Variants in CASR observed in about 807,000 individuals in gnomAD.
CASR encodes extracellular calcium-sensing receptor.
CASR carries 23 observed loss-of-function variants against 69.1 expected under a neutral mutation model. That is an observed-to-expected ratio of 0.33 (90% CI 0.24 to 0.47). The LOEUF (loss-of-function observed/expected upper bound fraction) is 0.47, where lower values mean the gene tolerates loss of function less well. Among genes scored for constraint, CASR ranks in the 20% least tolerant of loss-of-function variants. CASR has a pLI of 1.00. For synonymous variants in CASR, 541 were observed against 544.7 expected, an observed-to-expected ratio of 0.99 and a Z score of 0.10; for missense variants, 924 against 1,356.1, an observed-to-expected ratio of 0.68 and a Z score of 5.00.
At chr3:122,210,621 C>G (rs555635409) in intron 1 of CASR, among the ~76,000 whole-genome samples, 50 of 152,286 alleles carry the variant, frequency 3.3e-4, no homozygotes, top group African/African-American at 1.2e-3. Context: ...ATTCCATGCT[C>G]ATGAATAGGA....
rs1399899999 is a variant in CASR at position 122,204,015 on chromosome 3, A to G, written c.-243+20203A>G. ...AGTTTGTGGATACCTGTGATAATTT[A>G]ATACATTCATGTATCTTGTACAGAT... is the stretch of plus-strand genomic sequence containing the variant. On this transcript the variant is annotated intron_variant, in intron 1 of 6. Transcript: ENST00000639785. Among the ~76,000 whole-genome samples the G allele has an allele frequency of 1.1e-4, 16 of 152,208 alleles. No homozygotes were observed. The East Asian group carries it at 3.1e-3, about 29-fold the overall frequency.
intron 1 of CASR, among the ~76,000 whole-genome samples, chr3:122,242,290 T>C (rs1910050): frequency 1.3e-5 from 2 of 151,860 alleles, no homozygotes; most frequent in Non-Finnish European, 2.9e-5. Flanking sequence ...ACCTATAGAC[T>C]CCACCAAAAA....
At chr3:122,203,406 C>A (rs7652244) in intron 1 of CASR, among the ~76,000 whole-genome samples, 26,525 of 152,160 alleles carry the variant, frequency 0.17, 2,399 homozygotes, top group African/African-American at 0.21. Context: ...AGCCTACTTA[C>A]ACCTAGCTAT....
In CASR at chr3:122,262,169, A is replaced by T. The variant is rs2074634693; in HGVS notation, c.1134A>T (p.Glu378Asp). The change falls in exon 4 of 7, where the codon GAA becomes GAT. Residue 378 changes from glutamate to aspartate, a missense_variant. Glu to Asp is a conservative substitution (Grantham distance 45). This residue lies in a region of CASR where 310 missense variants were observed against 395.7 expected (regional missense o/e 0.78). Coordinates refer to ENST00000639785, the MANE Select transcript of CASR (RefSeq NM_000388.4). ...TGGACACCTTTCTGAGAGGTCACGA[A>T]GAAAGTGGCGACAGGTTTAGCAACA... is the stretch of plus-strand genomic sequence containing the variant. ...LPVDTFLRGH[E>D]ESGDRFSNSS... is the part of the protein sequence containing the mutation. 6.2e-7 allele frequency: 1 copy of T among 1,614,130 alleles called. No homozygotes were observed. The highest frequency in any genetic ancestry group is 8.5e-7 in the Non-Finnish European group (1 of 1,180,054).
At chr3:122,215,101 AGT>A (rs946436609) in intron 1 of CASR, among the ~76,000 whole-genome samples, 1 of 70,698 alleles carries the variant, frequency 1.4e-5, no homozygotes, top group Non-Finnish European at 3.4e-5. Flanking sequence ...AGACGGAGAA[AGT>A]CTTTGCCTAT....
At chr3:122,202,336 C>G (rs1373897832) in intron 1 of CASR, among the ~76,000 whole-genome samples, 1 of 152,112 alleles carries the variant, frequency 6.6e-6, no homozygotes, top group South Asian at 2.1e-4. Flanking sequence ...GAGAATCAGG[C>G]AGGGAGGTTG....
rs2074636407 is a variant in CASR, at chr3:122,262,240, G to A, written c.1205G>A (p.Ser402Asn). Residue 402 changes from serine to asparagine, a missense_variant, in exon 4 of 7, where the codon AGC becomes AAC. By Grantham distance (46) the Ser-to-Asn change is conservative (BLOSUM62 1). Transcript: ENST00000639785. ...RPLCTGDENI[S>N]SVETPYIDYT... ...CTCTGTACAGGGGATGAGAACATCA[G>A]CAGTGTCGAGACCCCTTACATAGAT... The A allele has an allele frequency of 6.2e-7, 1 of 1,614,152 alleles. No individual in the cohort carries two copies. Among genetic ancestry groups the A allele is most frequent in the Non-Finnish European group, 8.5e-7 (1 of 1,179,988 alleles).
At chr3:122,279,009 C>T (rs2074855491) in intron 5 of CASR, among the ~76,000 whole-genome samples, 1 of 152,154 alleles carries the variant, frequency 6.6e-6, no homozygotes, top group Non-Finnish European at 1.5e-5. Flanking sequence ...ATGACTAAAT[C>T]CTAGAGAATG....
chr3:122,200,992 TTCTTTTTTTTTTA>T (rs1249346126), intron 1 of CASR, among the ~76,000 whole-genome samples: 1 of 84,148 alleles, frequency 1.2e-5, no homozygotes, highest in Non-Finnish European at 2.9e-5. Context: ...CCCATTGCTT[TTCTTTTTTTTTTA>T]TTTTTTTTTT....
At chr3:122,232,156 T>G (rs1024293654) in intron 1 of CASR, among the ~76,000 whole-genome samples, 1 of 152,172 alleles carries the variant, frequency 6.6e-6, no homozygotes, top group Non-Finnish European at 1.5e-5. Context: ...CCCTTTTTTT[T>G]ATTGTACTAT....
At chr3:122,278,305 A>G (rs2074846951) in intron 5 of CASR, among the ~76,000 whole-genome samples, 1 of 152,148 alleles carries the variant, frequency 6.6e-6, no homozygotes, top group Non-Finnish European at 1.5e-5. Flanking sequence ...CAAGCTTCCA[A>G]TTTGAAGTTG....
intron 1 of CASR, among the ~76,000 whole-genome samples, chr3:122,194,004 G>A (rs1486081760): frequency 6.6e-6 from 1 of 152,096 alleles, no homozygotes; most frequent in African/African-American, 2.4e-5. Context: ...TGTAGGTGGT[G>A]GAAACTAGTC....
intron 5 of CASR, 36 bp from the exon 6 acceptor site, chr3:122,282,077 C>A (rs1202779599): frequency 6.2e-7 from 1 of 1,614,056 alleles, no homozygotes; most frequent in African/African-American, 1.3e-5. Context: ...GACCCTACAA[C>A]TACAGCCACT....
chr3:122,265,116 C>T (rs1290462270), intron 4 of CASR, among the ~76,000 whole-genome samples: 1 of 152,222 alleles, frequency 6.6e-6, no homozygotes, highest in Non-Finnish European at 1.5e-5. Context: ...TCAAAATCCA[C>T]TTTCCCCTGG....
intron 5 of CASR, among the ~76,000 whole-genome samples, chr3:122,279,088 T>C (rs964480160): frequency 6.6e-6 from 1 of 152,162 alleles, no homozygotes; most frequent in Non-Finnish European, 1.5e-5. Context: ...GCAAGTATCC[T>C]TTGCTCTCTT....
chr3:122,279,665 A>T (rs1174813272), intron 5 of CASR, among the ~76,000 whole-genome samples: 1 of 152,210 alleles, frequency 6.6e-6, no homozygotes, highest in Non-Finnish European at 1.5e-5. Flanking sequence ...AACACCTCTC[A>T]GGTTAAAAAC....
intron 1 of CASR, among the ~76,000 whole-genome samples, chr3:122,249,455 T>C (rs897629315): frequency 4.6e-5 from 7 of 152,354 alleles, no homozygotes; most frequent in Admixed American, 3.9e-4. Flanking sequence ...AATAAATGTT[T>C]TTTGAATGAG....
chr3:122,257,513 G>C (rs571754516), intron 3 of CASR, 126 bp downstream of exon 3: 1 of 673,212 alleles, frequency 1.5e-6, no homozygotes, highest in East Asian at 2.7e-5. Flanking sequence ...CTATGATTTA[G>C]TTGATATGCT....
chr3:122,187,119 T>C (rs1042003733), intron 1 of CASR, among the ~76,000 whole-genome samples: 1 of 152,224 alleles, frequency 6.6e-6, no homozygotes, highest in African/African-American at 2.4e-5. Context: ...AAGGTAAATA[T>C]ATATATAACC....
Sources: allele counts gnomAD v4.1 joint callset (sites outside exome capture counted in the v4.1 genomes callset), GRCh38; gene constraint gnomAD v4.1.1; regional missense constraint gnomAD v4.1.1; transcripts MANE v1.5; gene names NCBI Gene and HGNC (gene_info 2026-07-23, HGNC 2026-07-21).